The following HECW1 variants were observed in gnomAD, a reference collection of about 807,000 sequenced individuals.
HECW1 encodes the protein HECT, C2 and WW domain containing E3 ubiquitin protein ligase 1.
A neutral mutation model predicts 182.3 loss-of-function variants in HECW1; 61 were observed. The observed-to-expected ratio is 0.33, with a 90% CI of 0.27 to 0.41. The LOEUF (loss-of-function observed/expected upper bound fraction) is 0.41, where lower values mean the gene tolerates loss of function less well. HECW1 is among the 10% of genes least tolerant of loss of function. The pLI is 1.00. For missense variants in HECW1, 1,739 were observed against 2,108.9 expected, an observed-to-expected ratio of 0.82 and a Z score of 3.44; for synonymous variants, 859 against 832.6, an observed-to-expected ratio of 1.03 and a Z score of -0.55.
chr7:43,557,299 C>T (rs557513792), intron 29 of HECW1, among the ~76,000 whole-genome samples: 15 of 152,168 alleles, frequency 9.9e-5, no homozygotes, highest in Non-Finnish European at 1.8e-4. Context: ...TCAGCTCTTT[C>T]CTCAAGTCCT....
chr7:43,115,810 C>T (rs1784997585), intron 2 of HECW1, among the ~76,000 whole-genome samples: 1 of 152,200 alleles, frequency 6.6e-6, no homozygotes, highest in Non-Finnish European at 1.5e-5. Flanking sequence ...CACTTCTTCT[C>T]CTGTTTTCCC....
chr7:43,540,469 A>G (rs1490499745), intron 24 of HECW1, among the ~76,000 whole-genome samples: 1 of 152,238 alleles, frequency 6.6e-6, no homozygotes, highest in Non-Finnish European at 1.5e-5. Flanking sequence ...TAAGCAGGTT[A>G]CTTGCAAAAT....
chr7:43,436,091 G>A (rs2076702009), intron 8 of HECW1, among the ~76,000 whole-genome samples: 1 of 148,090 alleles, frequency 6.8e-6, no homozygotes, highest in Middle Eastern at 3.7e-3. Context: ...GTGAACCTGG[G>A]AGGCAGAGCT....
Position 43,319,408 on chromosome 7 carries a change from A to AG in HECW1, c.353-1227_353-1226insG, listed in dbSNP as rs1554355720. On this transcript the variant is annotated intron_variant, in intron 4 of 29. Coordinates refer to ENST00000395891, the MANE Select transcript of HECW1 (RefSeq NM_015052.5). ...GACTCCGTCTCAAAAAAAAAAAAAAAAGAGAGAACATCGATAGGTTGCAAA... is the reference window on the plus strand; with the variant it reads ...GACTCCGTCTCAAAAAAAAAAAAAAAGAGAGAGAACATCGATAGGTTGCAAA... 9.5e-5 allele frequency among the ~76,000 whole-genome samples: 13 copies of AG among 136,360 alleles called. 1 individual carries two copies. The East Asian group carries it at 2.0e-3, about 21-fold the overall frequency. The allele number at this position is 136,360 out of a possible 152,430, so 89.5% of individuals were successfully genotyped here.
chr7:43,219,742 G>A (rs1461896497), intron 2 of HECW1, among the ~76,000 whole-genome samples: 2 of 152,176 alleles, frequency 1.3e-5, no homozygotes, highest in South Asian at 2.1e-4. Flanking sequence ...GTCAGGGGTC[G>A]ATCTTTAATT....
Position 43,243,827 on chromosome 7 carries a change from G to T in HECW1, c.-31-48G>T. ...TTGTGTGGGTAATGTTGCTGATTTT[G>T]TTTGCTTGGGATACACGCTAAGTTA... On this transcript the variant is annotated intron_variant, in intron 2 of 29. Transcript: ENST00000395891. The surrounding 1 kb of genome is among the most constrained non-coding windows in gnomAD (Gnocchi z 4.0). 7.1e-7 allele frequency: 1 copy of T among 1,416,616 alleles called. No individual in the cohort carries two copies. 87.8% of individuals were successfully genotyped at this position (1,416,616 alleles called of 1,614,324 possible).
At chr7:43,178,492 G>A (rs547092294) in intron 2 of HECW1, among the ~76,000 whole-genome samples, 1 of 152,320 alleles carries the variant, frequency 6.6e-6, no homozygotes, top group East Asian at 1.9e-4. Flanking sequence ...GAAAGAAAGT[G>A]CCAAATATCA....
chr7:43,549,301 G>A (rs1026229646), intron 26 of HECW1, among the ~76,000 whole-genome samples: 2 of 152,330 alleles, frequency 1.3e-5, no homozygotes, highest in African/African-American at 2.4e-5. Context: ...TTTATCATTA[G>A]CCAATATTTT....
chr7:43,370,635 G>A (rs1315601495), intron 6 of HECW1, among the ~76,000 whole-genome samples: 2 of 152,018 alleles, frequency 1.3e-5, no homozygotes, highest in African/African-American at 4.8e-5. Context: ...CAGATAAATT[G>A]TGCTACATCC....
intron 2 of HECW1, among the ~76,000 whole-genome samples, chr7:43,184,293 G>A (rs956140758): frequency 3.9e-5 from 6 of 152,194 alleles, no homozygotes; most frequent in East Asian, 1.9e-4. Context: ...GATTACAGGC[G>A]TGAGCCACCG....
intron 13 of HECW1, among the ~76,000 whole-genome samples, chr7:43,462,645 G>C (rs2077627960): frequency 5.3e-5 from 8 of 152,166 alleles, no homozygotes; most frequent in Admixed American, 4.6e-4. Context: ...CTGTGGCCTA[G>C]AGAATAACAC....
chr7:43,289,296 G>A (rs1291292295), intron 3 of HECW1, among the ~76,000 whole-genome samples: 10 of 151,940 alleles, frequency 6.6e-5, no homozygotes, highest in East Asian at 1.9e-4. Context: ...TAGTAAAGAC[G>A]GGGTTTCACC....
chr7:43,499,179 G>GT (rs2079234953), intron 19 of HECW1, among the ~76,000 whole-genome samples: 1 of 151,982 alleles, frequency 6.6e-6, no homozygotes, highest in Non-Finnish European at 1.5e-5. Context: ...TACATGGGGG[G>GT]ACTGAGGCAG....
At chr7:43,260,379 A>G (rs1801041994) in intron 3 of HECW1, among the ~76,000 whole-genome samples, 1 of 152,232 alleles carries the variant, frequency 6.6e-6, no homozygotes, top group Admixed American at 6.5e-5. Context: ...CTTCACGTGG[A>G]AAGACCGAAA....
intron 19 of HECW1, among the ~76,000 whole-genome samples, chr7:43,493,426 TA>T (rs563925364): frequency 6.8e-4 from 104 of 152,174 alleles, no homozygotes; most frequent in Admixed American, 2.0e-3. Context: ...TCCATTGATG[TA>T]GGGGGGGGAA....
At chr7:43,370,805 A>C (rs1817239297) in intron 6 of HECW1, among the ~76,000 whole-genome samples, 1 of 152,286 alleles carries the variant, frequency 6.6e-6, no homozygotes, top group Non-Finnish European at 1.5e-5. Context: ...ATATGGAGAC[A>C]GTAAAAAAGA....
At chr7:43,455,642 T>A (rs970067757) in intron 12 of HECW1, among the ~76,000 whole-genome samples, 1 of 152,204 alleles carries the variant, frequency 6.6e-6, no homozygotes, top group Non-Finnish European at 1.5e-5. Flanking sequence ...AGAAATAAAT[T>A]CATTAAACAG....
intron 6 of HECW1, among the ~76,000 whole-genome samples, chr7:43,373,119 T>C (rs895491909): frequency 2.0e-5 from 3 of 151,710 alleles, no homozygotes; most frequent in Non-Finnish European, 4.4e-5. Context: ...CAAAGCAGAC[T>C]AACGGTGCTG....
chr7:43,467,269 C>T (rs377457973), intron 15 of HECW1, among the ~76,000 whole-genome samples: 1 of 152,082 alleles, frequency 6.6e-6, no homozygotes, highest in East Asian at 1.9e-4. Flanking sequence ...GGACAGAGTG[C>T]TCTGGGGGCG....
Sources: gnomAD v4.1 joint callset for allele counts (sites outside exome capture counted in the v4.1 genomes callset) on GRCh38, gnomAD v4.1.1 for gene constraint, Gnocchi (gnomAD v3.1) non-coding constraint, MANE v1.5 for transcripts, NCBI Gene and HGNC (gene_info 2026-07-23, HGNC 2026-07-21) for gene names.